KMT5B: variants seen among roughly 807,000 people sequenced by gnomAD.
The protein encoded by KMT5B is histone-lysine N-methyltransferase KMT5B.
KMT5B carries 10 observed loss-of-function variants against 83.2 expected under a neutral mutation model. The ratio of observed to expected loss-of-function variants is 0.12; its 90% confidence interval spans 0.07 to 0.20. KMT5B has a LOEUF of 0.20. Ranked by LOEUF, KMT5B falls within the 10% of genes least tolerant of loss-of-function variation. KMT5B has a pLI of 1.00. For synonymous variants in KMT5B, 349 were observed against 388.8 expected (o/e 0.90, Z 1.20); for missense variants, 753 against 1,067.2 (o/e 0.71, Z 4.10).
rs1859206934 is a variant in KMT5B, at chr11:68,155,236, T to C, written c.*2452A>G. 1 of 152,110 alleles carries C rather than the reference T, an allele frequency of 6.6e-6. No homozygotes were observed. The highest frequency in any genetic ancestry group is 1.9e-4 in the East Asian group (1 of 5,194). The allele number at this position is 152,110 out of a possible 1,614,324, so 9.4% of individuals were successfully genotyped here. On this transcript the variant is annotated 3_prime_UTR_variant, in exon 11 of 11. Transcript: ENST00000304363. ...GTGTGGCTGTCACCATTCCACACGG[T>C]GAAGTTCTACAGCAGATCCGGAACA... is the stretch of plus-strand genomic sequence containing the variant.
At chr11:68,164,138 G>C (rs1211475143) in intron 10 of KMT5B, among the ~76,000 whole-genome samples, 2 of 152,218 alleles carry the variant, frequency 1.3e-5, no homozygotes, top group Non-Finnish European at 2.9e-5. Context: ...CTGGATTTGT[G>C]AAAACGGATT....
chr11:68,171,263 C>T lies in KMT5B; in HGVS notation c.821-12G>A. ...ATTAGGTCTGCAATCTGAAAAATGT[C>T]CAAAAGATAAAGTCAATTAACTGTT... On this transcript the variant is annotated splice_polypyrimidine_tract_variant and intron_variant, in intron 7 of 10. Transcript: ENST00000304363. The surrounding 1 kb of genome is among the most constrained non-coding windows in gnomAD (Gnocchi z 5.1). The T allele has an allele frequency of 6.2e-7, 1 of 1,608,510 alleles. No individual in the cohort carries two copies. Among genetic ancestry groups the T allele is most frequent in the African/African-American group, 1.3e-5 (1 of 74,594 alleles).
intron 1 of KMT5B, among the ~76,000 whole-genome samples, chr11:68,211,404 C>T (rs894053873): frequency 2.6e-5 from 4 of 152,246 alleles, no homozygotes; most frequent in Non-Finnish European, 5.9e-5. Context: ...CCCTACCCTA[C>T]TCTCTTATTG....
chr11:68,189,198 C>G (rs1358117681), intron 2 of KMT5B, among the ~76,000 whole-genome samples: 2 of 152,220 alleles, frequency 1.3e-5, no homozygotes, highest in Admixed American at 1.3e-4. Flanking sequence ...AGAAGAAAAG[C>G]TGTCCTCTTT....
intron 3 of KMT5B, among the ~76,000 whole-genome samples, chr11:68,182,577 C>A (rs1457748238): frequency 6.6e-6 from 1 of 151,716 alleles, no homozygotes; most frequent in Non-Finnish European, 1.5e-5. Context: ...TCCCACCTTG[C>A]CCTCCCAAAG....
At chr11:68,181,189 C>T (rs1856893871) in intron 3 of KMT5B, among the ~76,000 whole-genome samples, 1 of 151,892 alleles carries the variant, frequency 6.6e-6, no homozygotes, top group African/African-American at 2.4e-5. Flanking sequence ...ATTCGCCTGC[C>T]TCAAACTCTT....
At chr11:68,175,396 T>C (rs1340516747) in intron 4 of KMT5B, among the ~76,000 whole-genome samples, 1 of 152,230 alleles carries the variant, frequency 6.6e-6, no homozygotes, top group African/African-American at 2.4e-5. Flanking sequence ...TTTTTCAATC[T>C]GTTATTTTAA....
At chr11:68,206,652 G>C (rs1402206029) in intron 1 of KMT5B, among the ~76,000 whole-genome samples, 1 of 152,302 alleles carries the variant, frequency 6.6e-6, no homozygotes, top group South Asian at 2.1e-4. Context: ...TTTGGCACAA[G>C]ATATTTTAAA....
intron 2 of KMT5B, among the ~76,000 whole-genome samples, chr11:68,186,309 A>G (rs1444294601): frequency 6.6e-6 from 1 of 152,220 alleles, no homozygotes; most frequent in Non-Finnish European, 1.5e-5. Flanking sequence ...GACTCGACTG[A>G]AAAGGAAAGA....
intron 10 of KMT5B, chr11:68,165,951 G>A (rs761129056): frequency 3.8e-5 from 61 of 1,612,772 alleles, no homozygotes; most frequent in Non-Finnish European, 4.9e-5. Flanking sequence ...AGGATTCTCT[G>A]TAGTGGAAGA....
chr11:68,179,517 T>C, intron 4 of KMT5B: 1 of 1,304,250 alleles, frequency 7.7e-7, no homozygotes. Flanking sequence ...TTTCTTGCTA[T>C]TTGGTTTTTC....
chr11:68,205,163 A>T (rs538725206), intron 1 of KMT5B, among the ~76,000 whole-genome samples: 1 of 152,168 alleles, frequency 6.6e-6, no homozygotes, highest in African/African-American at 2.4e-5. Context: ...AAAACAAAAA[A>T]AACAAGTAGC....
chr11:68,198,121 T>C (rs1008976482), intron 1 of KMT5B, among the ~76,000 whole-genome samples: 3 of 151,678 alleles, frequency 2.0e-5, no homozygotes, highest in African/African-American at 7.3e-5. Context: ...CAAATAGGGG[T>C]TGAAAACATC....
rs1859305390 is a variant in KMT5B at position 68,156,477 on chromosome 11, T to C, written c.*1211A>G. The C allele has an allele frequency of 6.5e-6, 1 of 152,676 alleles. No individual in the cohort carries two copies. Among genetic ancestry groups the C allele is most frequent in the South Asian group, 2.1e-4 (1 of 4,834 alleles). The allele number at this position is 152,676 out of a possible 1,614,324, so 9.5% of individuals were successfully genotyped here. ...ATAATATAGTCAAAAAAATCTTTGA[T>C]GTTTTCATAATAAACTAACATAAAC... On this transcript the variant is annotated 3_prime_UTR_variant, in exon 11 of 11. Transcript: ENST00000304363.
In KMT5B at chr11:68,180,139, G is replaced by T; in HGVS notation, c.370C>A (p.Pro124Thr). 6.3e-7 allele frequency: 1 copy of T among 1,577,688 alleles called. No homozygotes were observed. The highest frequency in any genetic ancestry group is 8.7e-7 in the Non-Finnish European group (1 of 1,152,294). The change falls in exon 4 of 11, where the codon CCT becomes ACT. Residue 124 changes from proline (P) to threonine (T), a missense_variant. Around this residue, in one of 9 missense-constraint regions of KMT5B, gnomAD observed 71 missense variants for 107.0 expected, o/e 0.66. Coordinates refer to ENST00000304363, the MANE Select transcript of KMT5B (RefSeq NM_017635.5). ...TTAACACACACTACCTACCTCACAG[G>T]GTTGTTGTGAGAAAAACTGTCAGAT... ...SKSDSFSHNNPVRFRPIKGRQ... is the reference protein window; with the variant it reads ...SKSDSFSHNNTVRFRPIKGRQ...
intron 1 of KMT5B, among the ~76,000 whole-genome samples, chr11:68,211,598 C>A (rs1860904831): frequency 6.6e-6 from 1 of 152,172 alleles, no homozygotes; most frequent in African/African-American, 2.4e-5. Flanking sequence ...TGTACCTGCC[C>A]GTGGGCGGAC....
intron 10 of KMT5B, among the ~76,000 whole-genome samples, chr11:68,163,886 G>C (rs571687268): frequency 1.1e-4 from 17 of 152,290 alleles, no homozygotes; most frequent in African/African-American, 3.6e-4. Context: ...CTGCATCTAG[G>C]ACAGGTGCTC....
At chr11:68,177,356 A>G (rs1483164719) in intron 4 of KMT5B, among the ~76,000 whole-genome samples, 2 of 152,248 alleles carry the variant, frequency 1.3e-5, no homozygotes, top group Non-Finnish European at 2.9e-5. Flanking sequence ...ATCAAAAGGA[A>G]GGAAGAATGA....
chr11:68,176,542 T>A (rs1201266778), intron 4 of KMT5B: 2 of 152,172 alleles, frequency 1.3e-5, no homozygotes, highest in African/African-American at 4.8e-5. Context: ...TCCCAGCACT[T>A]TGGGAGGTCG....
Sources: gnomAD v4.1 joint callset for allele counts (sites outside exome capture counted in the v4.1 genomes callset) on GRCh38, gnomAD v4.1.1 for gene constraint, gnomAD v4.1.1 regional missense constraint, Gnocchi (gnomAD v3.1) non-coding constraint, MANE v1.5 for transcripts, NCBI Gene and HGNC (gene_info 2026-07-23, HGNC 2026-07-21) for gene names.